The following XYLT1 variants were observed in gnomAD, a reference collection of about 807,000 sequenced individuals.
The protein encoded by XYLT1 is beta-D-xylosyltransferase 1.
XYLT1 carries 36 observed loss-of-function variants against 91.3 expected under a neutral mutation model. The ratio of observed to expected loss-of-function variants is 0.39; its 90% CI spans 0.30 to 0.52. XYLT1 has a LOEUF of 0.52. Among genes scored for constraint, XYLT1 ranks in the 20% least tolerant of loss-of-function variants. The pLI is 0.68. For missense variants in XYLT1, 1,242 were observed against 1,284.5 expected (o/e 0.97, Z 0.51); for synonymous variants, 588 against 532.0 (o/e 1.11, Z -1.45).
chr16:17,258,465 A>T (rs191620179), intron 3 of XYLT1, among the ~76,000 whole-genome samples: 9 of 152,086 alleles, frequency 5.9e-5, no homozygotes, highest in Non-Finnish European at 1.2e-4. Flanking sequence ...AAAGAAAATA[A>T]AGGAATGAGA....
At chr16:17,109,451 T>C (rs1966824178) in intron 11 of XYLT1, among the ~76,000 whole-genome samples, 1 of 152,050 alleles carries the variant, frequency 6.6e-6, no homozygotes, top group Non-Finnish European at 1.5e-5. Flanking sequence ...GCAAACCAGA[T>C]AGGAAGGTTA....
At chr16:17,178,741 C>CA (rs1441336265) in intron 5 of XYLT1, among the ~76,000 whole-genome samples, 2 of 152,178 alleles carry the variant, frequency 1.3e-5, no homozygotes, top group African/African-American at 4.8e-5. Context: ...ATATGTACCA[C>CA]AAAACCTAAA....
At chr16:17,127,540 C>G in intron 10 of XYLT1, 126 bp downstream of exon 10, 3 of 1,192,536 alleles carry the variant, frequency 2.5e-6, no homozygotes, top group Non-Finnish European at 3.5e-6. Context: ...ACAGGGTTAG[C>G]TTATCTTTAG....
In XYLT1 at chr16:17,287,335, G is replaced by T. The variant is rs773878095; in HGVS notation, c.403-27837C>A. ...GTGCAGTATCCTCAAGCAGGCAAAC[G>T]CTCAGAACGTAGACGGATCCCTCTA... On this transcript the variant is annotated intron_variant, in intron 2 of 11. Transcript: ENST00000261381. Among the ~76,000 whole-genome samples the T allele has an allele frequency of 2.0e-5, 3 of 151,932 alleles. No individual in the cohort carries two copies. In the East Asian group the frequency reaches 5.8e-4, roughly 29 times the overall value.
chr16:17,173,669 T>C (rs776480854), intron 5 of XYLT1, among the ~76,000 whole-genome samples: 2 of 152,260 alleles, frequency 1.3e-5, no homozygotes, highest in Non-Finnish European at 2.9e-5. Flanking sequence ...ATTCCTTTCA[T>C]GCTAAGGCAG....
At chr16:17,149,595 G>A (rs993406597) in intron 6 of XYLT1, among the ~76,000 whole-genome samples, 1 of 152,170 alleles carries the variant, frequency 6.6e-6, no homozygotes, top group East Asian at 1.9e-4. Flanking sequence ...CATGAAATCA[G>A]TCAGCTATGT....
intron 1 of XYLT1, among the ~76,000 whole-genome samples, chr16:17,390,887 A>G (rs189929119): frequency 6.6e-6 from 1 of 152,078 alleles, no homozygotes; most frequent in Admixed American, 6.5e-5. Flanking sequence ...AAATACAAAA[A>G]ATTAGCTAGG....
At position 17,151,340 on chromosome 16, in the gene XYLT1, C is replaced by T. The variant is rs150441156; in HGVS notation, c.1370+7489G>A. Among the ~76,000 whole-genome samples, 330 of 152,234 alleles carry T rather than the reference C, an allele frequency of 2.2e-3. 2 individuals are homozygous for T. The highest frequency in any genetic ancestry group is 7.2e-3 in the African/African-American group (300 of 41,550). ...ACCTGGGAGACTGAGACACGAGAAT[C>T]GCTTGTACCTTGCAGGTGGAGGTTG... On this transcript the variant is annotated intron_variant, in intron 6 of 11. Transcript: ENST00000261381.
intron 2 of XYLT1, among the ~76,000 whole-genome samples, chr16:17,349,900 G>A (rs575844698): frequency 2.6e-5 from 4 of 151,664 alleles, no homozygotes; most frequent in East Asian, 3.9e-4. Flanking sequence ...TTTAGACGGA[G>A]TCTCGCTCTG....
At chr16:17,407,326 T>C (rs977219042) in intron 1 of XYLT1, among the ~76,000 whole-genome samples, 3 of 152,188 alleles carry the variant, frequency 2.0e-5, no homozygotes, top group Non-Finnish European at 4.4e-5. Context: ...AAAATTTATA[T>C]ATATGTGTAT....
intron 2 of XYLT1, among the ~76,000 whole-genome samples, chr16:17,270,956 G>A (rs1031271430): frequency 6.6e-6 from 1 of 152,140 alleles, no homozygotes; most frequent in East Asian, 1.9e-4. Context: ...AAGGTCACTC[G>A]GTGGGTAAGA....
chr16:17,466,994 A>C (rs1039024336), intron 1 of XYLT1, among the ~76,000 whole-genome samples: 1 of 152,222 alleles, frequency 6.6e-6, no homozygotes, highest in Non-Finnish European at 1.5e-5. Context: ...AGCAGAGGTG[A>C]TCTAAAGCCA....
chr16:17,470,449 C>T lies in XYLT1; in HGVS notation c.348G>A (p.Leu116=). 1 of 1,231,594 alleles carries T rather than the reference C, an allele frequency of 8.1e-7. No homozygotes were observed. The highest frequency in any genetic ancestry group is 1.0e-6 in the Non-Finnish European group (1 of 987,546). The allele number at this position is 1,231,594 out of a possible 1,614,324, so 76.3% of individuals were successfully genotyped here. ...RGQQPASRGA[L]PARALDPHPS... ...GGCATCTTACCAGAGCCCGGGCGGG[C>T]AGTGCCCCCCGGCTGGCCGGCTGCT... Residue 116 remains leucine, a synonymous_variant, in exon 1 of 12, where the codon CTG becomes CTA. Transcript: ENST00000261381.
intron 2 of XYLT1, among the ~76,000 whole-genome samples, chr16:17,272,279 C>T (rs1272198191): frequency 6.7e-6 from 1 of 150,276 alleles, no homozygotes; most frequent in Non-Finnish European, 1.5e-5. Flanking sequence ...CCTCCCACCT[C>T]AGCCTCCCAA....
chr16:17,129,163 C>T (rs1305324216), intron 9 of XYLT1, among the ~76,000 whole-genome samples: 1 of 150,904 alleles, frequency 6.6e-6, no homozygotes, highest in Non-Finnish European at 1.5e-5. Flanking sequence ...TAAATCTGGA[C>T]TTTGGGAGTG....
At chr16:17,350,817 C>T (rs917210579) in intron 2 of XYLT1, among the ~76,000 whole-genome samples, 3 of 152,150 alleles carry the variant, frequency 2.0e-5, no homozygotes, top group African/African-American at 4.8e-5. Context: ...GCCGGAAGAA[C>T]GGAGAGGAGA....
At chr16:17,379,725 G>GAT (rs1491322113) in intron 1 of XYLT1, among the ~76,000 whole-genome samples, 14 of 128,434 alleles carry the variant, frequency 1.1e-4, no homozygotes, top group Admixed American at 5.0e-4. Flanking sequence ...TGAAATGAAG[G>GAT]ATATCTCTCT....
chr16:17,269,485 T>G (rs933296623), intron 2 of XYLT1, among the ~76,000 whole-genome samples: 1 of 152,174 alleles, frequency 6.6e-6, no homozygotes, highest in African/African-American at 2.4e-5. Flanking sequence ...CCTGAAACAC[T>G]AACATAGTTT....
rs1055328711 is a variant in XYLT1, at chr16:17,418,139, A to C, written c.363+52295T>G. The stretch of plus-strand genomic sequence containing the variant: ...AAACCTTGAGAGATGATACTAAAGC[A>C]CTGTTTTAGTCATTACGTTAGAGAA... On this transcript the variant is annotated intron_variant, in intron 1 of 11. Transcript: ENST00000261381. 8.5e-5 allele frequency among the ~76,000 whole-genome samples: 13 copies of C among 152,356 alleles called. No individual in the cohort carries two copies. In the East Asian group the frequency reaches 2.3e-3, roughly 27 times the overall value.
Sources: allele counts gnomAD v4.1 joint callset (sites outside exome capture counted in the v4.1 genomes callset), GRCh38; gene constraint gnomAD v4.1.1; transcripts MANE v1.5; gene names NCBI Gene and HGNC (gene_info 2026-07-23, HGNC 2026-07-21).